Variants in ERP44 observed in about 807,000 individuals in gnomAD.
ERP44 encodes endoplasmic reticulum protein 44.
A neutral mutation model predicts 53.4 loss-of-function variants in ERP44; 25 were observed. The observed-to-expected ratio is 0.47, with a 90% confidence interval of 0.34 to 0.65. The LOEUF (loss-of-function observed/expected upper bound fraction) is 0.65. Among genes scored for constraint, ERP44 ranks in the 30% least tolerant of loss-of-function variants. The pLI is 0.01. For synonymous variants in ERP44, 145 were observed against 161.2 expected (o/e 0.90, Z 0.76); for missense variants, 338 against 493.2 (o/e 0.69, Z 2.98).
At chr9:100,072,448 C>G (rs1040163406) in intron 1 of ERP44, among the ~76,000 whole-genome samples, 1 of 151,928 alleles carries the variant, frequency 6.6e-6, no homozygotes, top group African/African-American at 2.4e-5. Flanking sequence ...AGAGAAAAGA[C>G]CAACAAGCAG....
intron 4 of ERP44, among the ~76,000 whole-genome samples, chr9:100,037,412 A>C (rs1246526095): frequency 6.6e-6 from 1 of 152,164 alleles, no homozygotes. Context: ...AGTGTAGGCC[A>C]CAAGAACTGC....
chr9:99,982,856 T>TA lies in ERP44; in HGVS notation c.1120-144dup, dbSNP rs549780031. On this transcript the variant is annotated intron_variant, in intron 11 of 11. Transcript: ENST00000262455. ...AAAGCAACTGTGTGCCAAAGCAAGA[T>TA]ATTTAAATGTGAAATCTTGCTTTCC... 62 of 450,554 alleles carry TA rather than the reference T, an allele frequency of 1.4e-4. No homozygotes were observed. The South Asian group carries it at 3.0e-3, about 22-fold the overall frequency. 27.9% of individuals were successfully genotyped at this position (450,554 alleles called of 1,614,324 possible). A position where few individuals can be genotyped will look rare whatever the true frequency, so the allele number is the denominator to read the frequency against.
intron 8 of ERP44, among the ~76,000 whole-genome samples, chr9:100,010,756 T>C (rs1006745116): frequency 6.6e-6 from 1 of 151,608 alleles, no homozygotes; most frequent in African/African-American, 2.4e-5. Flanking sequence ...CAAATATTAG[T>C]TGGGCGTGGT....
At chr9:100,040,039 G>A (rs1381330432) in intron 4 of ERP44, among the ~76,000 whole-genome samples, 7 of 151,524 alleles carry the variant, frequency 4.6e-5, no homozygotes, top group Non-Finnish European at 8.8e-5. Context: ...AAAGCTTCTG[G>A]CAAAAAAAAA....
At chr9:100,054,199 CTATGTATTCTAATAAACATTCAATA>C (rs1318405734) in intron 3 of ERP44, among the ~76,000 whole-genome samples, 3 of 152,082 alleles carry the variant, frequency 2.0e-5, no homozygotes, top group Non-Finnish European at 2.9e-5. Context: ...TCTTATTTGA[CTATGTATTCTAATAAACATTCAATA>C]TATGTATTAA....
chr9:100,009,296 T>A (rs1049515337), intron 8 of ERP44, among the ~76,000 whole-genome samples: 1 of 149,252 alleles, frequency 6.7e-6, no homozygotes, highest in African/African-American at 2.4e-5. Context: ...GTATATTTAG[T>A]GGAGATGGGG....
chr9:99,985,546 A>T (rs375920756), intron 10 of ERP44, among the ~76,000 whole-genome samples: 1 of 152,186 alleles, frequency 6.6e-6, no homozygotes, highest in Non-Finnish European at 1.5e-5. Flanking sequence ...GCACCATCCA[A>T]TGTCCACCAC....
chr9:100,028,810 AAAAAAC>A (rs755934512), intron 4 of ERP44, among the ~76,000 whole-genome samples: 1 of 152,206 alleles, frequency 6.6e-6, no homozygotes, highest in African/African-American at 2.4e-5. Flanking sequence ...ATACTGTGTA[AAAAAAC>A]AAAAACAAAA....
intron 10 of ERP44, among the ~76,000 whole-genome samples, chr9:100,003,994 G>A (rs144974037): frequency 6.6e-6 from 1 of 152,350 alleles, no homozygotes; most frequent in Non-Finnish European, 1.5e-5. Flanking sequence ...TGCTGGGGCA[G>A]GTGTGGAATC....
In ERP44 at chr9:100,039,565, A is replaced by C. The variant is rs1198518915; in HGVS notation, c.286+12852T>G. 2.0e-5 allele frequency among the ~76,000 whole-genome samples: 3 copies of C among 152,068 alleles called. No homozygotes were observed. The East Asian group carries it at 5.8e-4, about 29-fold the overall frequency. ...AGAGAGAAGTTTATGGCTACATCAA[A>C]AAATAAGAAAAAACTTCCAATAAAT... On this transcript the variant is annotated intron_variant, in intron 4 of 11. Coordinates refer to ENST00000262455, the MANE Select transcript of ERP44 (RefSeq NM_015051.3).
chr9:100,011,811 C>T (rs1453420972), intron 8 of ERP44, among the ~76,000 whole-genome samples: 2 of 152,232 alleles, frequency 1.3e-5, no homozygotes, highest in East Asian at 3.9e-4. Flanking sequence ...ACTCTGGTCA[C>T]TAAGAATGGA....
chr9:100,086,498 G>C (rs959505605), intron 1 of ERP44, among the ~76,000 whole-genome samples: 1 of 152,126 alleles, frequency 6.6e-6, no homozygotes, highest in Non-Finnish European at 1.5e-5. Context: ...ATTTCACAAC[G>C]ACTCCATTCA....
intron 8 of ERP44, among the ~76,000 whole-genome samples, chr9:100,010,842 A>G (rs1356243185): frequency 6.6e-6 from 1 of 150,796 alleles, no homozygotes; most frequent in Non-Finnish European, 1.5e-5. Flanking sequence ...CAGAGGTTAC[A>G]GTGAGCCGAG....
intron 1 of ERP44, 64 bp downstream of exon 1, chr9:100,098,720 C>T: frequency 3.0e-6 from 4 of 1,348,836 alleles, no homozygotes; most frequent in Non-Finnish European, 4.3e-6. Flanking sequence ...AGCAGTGTTC[C>T]CCCTGGGCGA....
Position 100,057,495 on chromosome 9 carries a change from CTT to C in ERP44, c.170+323_170+324del, listed in dbSNP as rs1417525023. Among the ~76,000 whole-genome samples, 4 of 152,280 alleles carry C rather than the reference CTT, an allele frequency of 2.6e-5. No homozygotes were observed. In the East Asian group the frequency reaches 5.8e-4, roughly 22 times the overall value. ...TAAACTTGACATACCCAAATCATGA[CTT>C]ATAAACACTACCCTTCTTCCACAGT... On this transcript the variant is annotated intron_variant, in intron 3 of 11. Transcript: ENST00000262455.
chr9:100,065,832 TTAA>T (rs1328395232), intron 1 of ERP44, among the ~76,000 whole-genome samples: 5 of 152,226 alleles, frequency 3.3e-5, no homozygotes, highest in Admixed American at 3.3e-4. Context: ...ATTACTCCTG[TTAA>T]TAAGATTTCT....
At chr9:100,091,526 A>G (rs141174687) in intron 1 of ERP44, among the ~76,000 whole-genome samples, 5 of 152,314 alleles carry the variant, frequency 3.3e-5, no homozygotes, top group African/African-American at 9.6e-5. Context: ...AGCCAACCAG[A>G]CAACAAGATT....
rs111258987 is a variant in ERP44, at chr9:100,028,086, A to G, written c.287-5860T>C. Among the ~76,000 whole-genome samples, 890 of 152,366 alleles carry G rather than the reference A, an allele frequency of 5.8e-3. 11 individuals carry two copies. The highest frequency in any genetic ancestry group is 0.02 in the African/African-American group (842 of 41,590). On this transcript the variant is annotated intron_variant, in intron 4 of 11. Coordinates refer to ENST00000262455, the MANE Select transcript of ERP44 (RefSeq NM_015051.3). ...CTTGTTCTTACTATGATATTTATAT[A>G]TAGTTCCTATAAAAAGCTTCTCAAT...
At chr9:100,018,436 A>C in intron 6 of ERP44, 123 bp from the exon 7 acceptor site, 1 of 656,208 alleles carries the variant, frequency 1.5e-6, no homozygotes, top group Non-Finnish European at 2.8e-6. Flanking sequence ...ATACCAAGAA[A>C]AGTATACATT....
Sources: allele counts gnomAD v4.1 joint callset (sites outside exome capture counted in the v4.1 genomes callset), GRCh38; gene constraint gnomAD v4.1.1; transcripts MANE v1.5; gene names NCBI Gene and HGNC (gene_info 2026-07-23, HGNC 2026-07-21).